The following SPAG16 variants were observed in gnomAD, a reference collection of about 807,000 sequenced individuals.
SPAG16 encodes sperm associated antigen 16.
Under a neutral mutation model 80.4 loss-of-function variants are expected in SPAG16, and 86 were observed. The ratio of observed to expected loss-of-function variants is 1.07; its 90% CI spans 0.90 to 1.28. The LOEUF (loss-of-function observed/expected upper bound fraction) is 1.28. Ranked by LOEUF, SPAG16 falls within the 50% of genes most tolerant of loss-of-function variation. SPAG16 has a pLI of 0.00. For missense variants in SPAG16, 870 were observed against 765.3 expected (o/e 1.14, Z -1.61); for synonymous variants, 294 against 265.9 (o/e 1.11, Z -1.03).
At chr2:214,263,032 G>C (rs1163815983) in intron 15 of SPAG16, among the ~76,000 whole-genome samples, 1 of 151,998 alleles carries the variant, frequency 6.6e-6, no homozygotes, top group Non-Finnish European at 1.5e-5. Context: ...ACAAGCTAAT[G>C]CCTCTATCAC....
intron 10 of SPAG16, among the ~76,000 whole-genome samples, chr2:213,554,835 C>T (rs1290299890): frequency 6.6e-6 from 1 of 151,604 alleles, no homozygotes; most frequent in Non-Finnish European, 1.5e-5. Flanking sequence ...ATGAAGAAAG[C>T]TTATGGGCTT....
intron 8 of SPAG16, among the ~76,000 whole-genome samples, chr2:213,365,643 A>G (rs1424193378): frequency 5.3e-5 from 8 of 151,712 alleles, no homozygotes; most frequent in Non-Finnish European, 1.2e-4. Context: ...TTTTTAGTAG[A>G]GCTGGGGCTT....
intron 9 of SPAG16, among the ~76,000 whole-genome samples, chr2:213,409,553 G>C (rs925224934): frequency 1.3e-5 from 2 of 152,094 alleles, no homozygotes; most frequent in African/African-American, 4.8e-5. Context: ...GCACTAACCT[G>C]CTCTTTAACA....
chr2:213,939,977 G>C (rs2079132482), intron 12 of SPAG16, among the ~76,000 whole-genome samples: 1 of 152,044 alleles, frequency 6.6e-6, no homozygotes, highest in Admixed American at 6.6e-5. Context: ...GAGTGACATA[G>C]TTGTTTTTCA....
intron 11 of SPAG16, among the ~76,000 whole-genome samples, chr2:213,902,533 G>T (rs191609755): frequency 2.7e-4 from 41 of 152,170 alleles, no homozygotes; most frequent in African/African-American, 9.6e-4. Context: ...AACAGTATGG[G>T]GGAACCACCC....
At chr2:213,589,280 A>G in intron 10 of SPAG16, among the ~76,000 whole-genome samples, 1 of 152,328 alleles carries the variant, frequency 6.6e-6, no homozygotes, top group East Asian at 1.9e-4. Context: ...TCTCTACATC[A>G]TTACTTTATA....
intron 13 of SPAG16, among the ~76,000 whole-genome samples, chr2:214,048,718 G>A (rs2049475468): frequency 6.6e-6 from 1 of 152,124 alleles, no homozygotes; most frequent in African/African-American, 2.4e-5. Flanking sequence ...TAATTGGATT[G>A]TTTATAACAC....
chr2:213,958,452 A>T (rs2106343684), intron 12 of SPAG16, among the ~76,000 whole-genome samples: 1 of 152,224 alleles, frequency 6.6e-6, no homozygotes, highest in South Asian at 2.1e-4. Context: ...AAGTGTGACT[A>T]AGCCCCGCTT....
At chr2:213,460,122 T>G (rs183242359) in intron 9 of SPAG16, among the ~76,000 whole-genome samples, 1 of 152,246 alleles carries the variant, frequency 6.6e-6, no homozygotes, top group Non-Finnish European at 1.5e-5. Flanking sequence ...TTGCAGACTT[T>G]CCATTCCTGT....
At chr2:213,861,991 G>A (rs146676174) in intron 10 of SPAG16, among the ~76,000 whole-genome samples, 2,030 of 151,228 alleles carry the variant, frequency 0.013, 31 homozygotes, top group Non-Finnish European at 0.018. Context: ...TGGAGTTAAT[G>A]TTTCATTTAT....
chr2:213,720,579 A>T (rs1233696160), intron 10 of SPAG16, among the ~76,000 whole-genome samples: 1 of 149,770 alleles, frequency 6.7e-6, no homozygotes, highest in Non-Finnish European at 1.5e-5. Context: ...CGGAGCTTGC[A>T]GTGAGTGGAG....
At chr2:213,784,982 A>G (rs2070245754) in intron 10 of SPAG16, among the ~76,000 whole-genome samples, 1 of 152,162 alleles carries the variant, frequency 6.6e-6, no homozygotes, top group Non-Finnish European at 1.5e-5. Flanking sequence ...CTATAAGGCT[A>G]AGTGTAGTGC....
chr2:214,276,560 G>A (rs184204484), intron 15 of SPAG16, among the ~76,000 whole-genome samples: 6 of 152,280 alleles, frequency 3.9e-5, no homozygotes, highest in African/African-American at 4.8e-5. Context: ...ACGATGCTTA[G>A]TTTGGCTGGA....
chr2:214,281,677 T>C (rs1692951011), intron 15 of SPAG16, among the ~76,000 whole-genome samples: 1 of 152,238 alleles, frequency 6.6e-6, no homozygotes, highest in Non-Finnish European at 1.5e-5. Flanking sequence ...ACCTATCATA[T>C]GACTCAGCCA....
intron 10 of SPAG16, among the ~76,000 whole-genome samples, chr2:213,844,317 A>G (rs2074505802): frequency 6.6e-6 from 1 of 152,164 alleles, no homozygotes; most frequent in Non-Finnish European, 1.5e-5. Context: ...TGGAGTCAAG[A>G]AGGAGGAGAA....
chr2:213,567,378 C>T (rs1343287034), intron 10 of SPAG16, among the ~76,000 whole-genome samples: 6 of 96,780 alleles, frequency 6.2e-5, no homozygotes, highest in Non-Finnish European at 1.0e-4. Flanking sequence ...GCTATCCCTC[C>T]CCCCTCCCCC....
intron 13 of SPAG16, among the ~76,000 whole-genome samples, chr2:214,041,777 T>C (rs562489949): frequency 1.9e-4 from 29 of 151,762 alleles, no homozygotes; most frequent in Admixed American, 1.2e-3. Flanking sequence ...CTGATCTACA[T>C]TGTTGCAGTA....
chr2:214,014,368 G>A (rs1280607067), intron 13 of SPAG16, among the ~76,000 whole-genome samples: 4 of 152,206 alleles, frequency 2.6e-5, no homozygotes, highest in African/African-American at 9.6e-5. Flanking sequence ...AATACACACT[G>A]TGCCCCCTCC....
At chr2:213,852,874 TA>T (rs1192843203) in intron 10 of SPAG16, among the ~76,000 whole-genome samples, 4 of 152,174 alleles carry the variant, frequency 2.6e-5, no homozygotes, top group African/African-American at 9.7e-5. Flanking sequence ...GCTGGAATAA[TA>T]AAAAAATTCC....
Sources: gnomAD v4.1 joint callset for allele counts (sites outside exome capture counted in the v4.1 genomes callset) on GRCh38, gnomAD v4.1.1 for gene constraint, MANE v1.5 for transcripts, NCBI Gene and HGNC (gene_info 2026-07-23, HGNC 2026-07-21) for gene names.